The following APP variants were observed in gnomAD, a reference collection of about 807,000 sequenced individuals.
APP encodes amyloid beta precursor protein.
APP carries 31 observed loss-of-function variants against 101.4 expected under a neutral mutation model. The ratio of observed to expected loss-of-function variants is 0.31; its 90% CI spans 0.23 to 0.41. The LOEUF (loss-of-function observed/expected upper bound fraction) is 0.41, where lower values mean the gene tolerates loss of function less well. Ranked by LOEUF, APP falls within the 10% of genes least tolerant of loss-of-function variation. APP has a pLI of 1.00. For missense variants in APP, 839 were observed against 1,003.7 expected, an observed-to-expected ratio of 0.84 and a Z score of 2.22; for synonymous variants, 366 against 364.4, an observed-to-expected ratio of 1.00 and a Z score of -0.05.
intron 1 of APP, among the ~76,000 whole-genome samples, chr21:26,139,211 C>T (rs2062988241): frequency 6.6e-6 from 1 of 152,014 alleles, no homozygotes; most frequent in Non-Finnish European, 1.5e-5. Context: ...AACCAAGTAA[C>T]TGGAGAGAAA....
intron 3 of APP, among the ~76,000 whole-genome samples, chr21:26,060,879 G>C (rs987783857): frequency 7.9e-5 from 12 of 152,198 alleles, no homozygotes; most frequent in Non-Finnish European, 1.5e-4. Flanking sequence ...AGATCAGTGG[G>C]CAAGCGAGTG....
intron 11 of APP, 107 bp from the exon 12 acceptor site, chr21:25,955,862 A>G: frequency 6.7e-7 from 1 of 1,485,646 alleles, no homozygotes; most frequent in Non-Finnish European, 9.3e-7. Context: ...ATGTGAACGT[A>G]CTGTGAGTCA....
intron 7 of APP, among the ~76,000 whole-genome samples, chr21:25,999,385 G>T (rs2043183157): frequency 6.6e-6 from 1 of 152,172 alleles, no homozygotes; most frequent in Non-Finnish European, 1.5e-5. Flanking sequence ...ACTTTCAAGA[G>T]AAGAAGCAGA....
At chr21:25,898,393 T>C (rs1416325357) in intron 15 of APP, among the ~76,000 whole-genome samples, 1 of 152,224 alleles carries the variant, frequency 6.6e-6, no homozygotes, top group African/African-American at 2.4e-5. Flanking sequence ...ATTCAAATAA[T>C]AATTTGAAGC....
chr21:26,139,916 AAAC>A (rs889322129), intron 1 of APP, among the ~76,000 whole-genome samples: 3 of 145,932 alleles, frequency 2.1e-5, no homozygotes, highest in African/African-American at 5.0e-5. Flanking sequence ...ACAAACAAAC[AAAC>A]AATTTTCTGG....
chr21:26,043,465 A>C (rs1477031607), intron 5 of APP, among the ~76,000 whole-genome samples: 1 of 151,692 alleles, frequency 6.6e-6, no homozygotes, highest in Non-Finnish European at 1.5e-5. Context: ...TCCTGACATC[A>C]AGAGATCTGC....
rs541786354 is a variant in APP at position 26,154,371 on chromosome 21, T to C, written c.57+16193A>G. 5.3e-5 allele frequency among the ~76,000 whole-genome samples: 8 copies of C among 152,298 alleles called. No homozygotes were observed. The East Asian group carries it at 1.5e-3, about 29-fold the overall frequency. On this transcript the variant is annotated intron_variant, in intron 1 of 17. Transcript: ENST00000346798. ...ACATTTCAGGGTTCAGAATCACATA[T>C]CCTGGGTCCCAAAAGGTCCCCCCAT...
chr21:26,058,424 G>A (rs2046127880), intron 3 of APP, among the ~76,000 whole-genome samples: 1 of 152,158 alleles, frequency 6.6e-6, no homozygotes, highest in Admixed American at 6.5e-5. Context: ...CTTTTAGAAA[G>A]GAAAAAATGG....
intron 3 of APP, among the ~76,000 whole-genome samples, chr21:26,079,975 T>A (rs1487192274): frequency 6.6e-6 from 1 of 152,044 alleles, no homozygotes; most frequent in Non-Finnish European, 1.5e-5. Flanking sequence ...AATACAAAAA[T>A]CTGCTAGGTG....
At chr21:25,912,069 G>A (rs149795721) in intron 13 of APP, 107 bp from the exon 14 acceptor site, 47 of 831,826 alleles carry the variant, frequency 5.7e-5, no homozygotes, top group Middle Eastern at 4.7e-4. Flanking sequence ...CTGCTTTCAC[G>A]TGCATGATCG....
intron 11 of APP, among the ~76,000 whole-genome samples, chr21:25,957,125 CCTT>C (rs1437926679): frequency 1.3e-5 from 2 of 152,134 alleles, no homozygotes; most frequent in Admixed American, 1.3e-4. Flanking sequence ...GGCTCATCTG[CCTT>C]CTTTTTTCCT....
At chr21:26,120,900 ACATT>A (rs1175262197) in intron 1 of APP, among the ~76,000 whole-genome samples, 2 of 152,132 alleles carry the variant, frequency 1.3e-5, no homozygotes. Context: ...TCATCACCAA[ACATT>A]CATGCTACTG....
chr21:26,104,225 C>T (rs567299300), intron 2 of APP, among the ~76,000 whole-genome samples: 31 of 16,992 alleles, frequency 1.8e-3, no homozygotes, highest in Non-Finnish European at 1.5e-3. Context: ...ATACCATCTC[C>T]GAATAGCCTG....
chr21:26,111,201 G>T (rs948477165), intron 2 of APP, among the ~76,000 whole-genome samples: 2 of 150,866 alleles, frequency 1.3e-5, no homozygotes, highest in East Asian at 3.9e-4. Flanking sequence ...CAGGAACAAT[G>T]AAAATGTTTA....
chr21:25,939,788 G>T (rs1003655024), intron 13 of APP, among the ~76,000 whole-genome samples: 1 of 151,822 alleles, frequency 6.6e-6, no homozygotes, highest in African/African-American at 2.4e-5. Context: ...ACTTAAATTT[G>T]GTTAGTTTGC....
chr21:26,036,074 A>T (rs1458980169), intron 5 of APP, among the ~76,000 whole-genome samples: 1 of 152,166 alleles, frequency 6.6e-6, no homozygotes, highest in Non-Finnish European at 1.5e-5. Context: ...CTAGAGAAAT[A>T]AACCTTGGCC....
At chr21:25,925,411 T>C (rs2039845296) in intron 13 of APP, among the ~76,000 whole-genome samples, 1 of 152,202 alleles carries the variant, frequency 6.6e-6, no homozygotes, top group African/African-American at 2.4e-5. Flanking sequence ...TTGAATCCTT[T>C]TGTCTGTACT....
At chr21:25,884,566 A>G (rs930039761) in intron 17 of APP, among the ~76,000 whole-genome samples, 9 of 150,854 alleles carry the variant, frequency 6.0e-5, no homozygotes, top group Non-Finnish European at 1.0e-4. Flanking sequence ...ACCAATAATG[A>G]GAGATTTCAT....
intron 9 of APP, among the ~76,000 whole-genome samples, chr21:25,977,019 C>G (rs773521732): frequency 2.0e-5 from 3 of 152,170 alleles, no homozygotes; most frequent in Admixed American, 2.0e-4. Context: ...AAACTGAGAG[C>G]CGAATTTTAA....
Sources: allele counts gnomAD v4.1 joint callset (sites outside exome capture counted in the v4.1 genomes callset), GRCh38; gene constraint gnomAD v4.1.1; transcripts MANE v1.5; gene names NCBI Gene and HGNC (gene_info 2026-07-23, HGNC 2026-07-21).